ELAPOR1: variants seen among roughly 807,000 people sequenced by gnomAD.
ELAPOR1 encodes the protein endosome/lysosome-associated apoptosis and autophagy regulator 1.
A neutral mutation model predicts 119.7 loss-of-function variants in ELAPOR1; 77 were observed. That is an observed-to-expected ratio of 0.64 (90% CI 0.54 to 0.78). The LOEUF (loss-of-function observed/expected upper bound fraction) is 0.78. Ranked by LOEUF, ELAPOR1 falls within the 30% of genes least tolerant of loss-of-function variation. The pLI, the probability that ELAPOR1 is intolerant of heterozygous loss-of-function variation, is 0.00. For missense variants in ELAPOR1, 1,115 were observed against 1,270.4 expected (o/e 0.88, Z 1.86); for synonymous variants, 481 against 487.2 (o/e 0.99, Z 0.17).
intron 18 of ELAPOR1, 150 bp from the exon 19 acceptor site, chr1:109,199,704 G>C: frequency 1.1e-6 from 1 of 885,562 alleles, no homozygotes; most frequent in Non-Finnish European, 1.7e-6. Context: ...CAAAACCTGT[G>C]TTAAGGACTA....
At chr1:109,155,855 A>AT (rs1448122407) in intron 1 of ELAPOR1, among the ~76,000 whole-genome samples, 1 of 152,142 alleles carries the variant, frequency 6.6e-6, no homozygotes, top group Non-Finnish European at 1.5e-5. Flanking sequence ...TGATTAAAAT[A>AT]TTTTTGGACG....
At chr1:109,162,058 G>C (rs759107645) in intron 2 of ELAPOR1, 44 bp downstream of exon 2, 2 of 1,578,452 alleles carry the variant, frequency 1.3e-6, no homozygotes, top group South Asian at 2.2e-5. Flanking sequence ...ACTCAGCTTT[G>C]GTCTCTCCCC....
At chr1:109,164,406 C>A in intron 2 of ELAPOR1, 93 bp from the exon 3 acceptor site, 1 of 1,081,426 alleles carries the variant, frequency 9.2e-7, no homozygotes, top group Non-Finnish European at 1.4e-6. Flanking sequence ...TAGACCCCAA[C>A]CCAGCGCTCC....
At chr1:109,169,136 C>A (rs1028204157) in intron 3 of ELAPOR1, among the ~76,000 whole-genome samples, 4 of 151,300 alleles carry the variant, frequency 2.6e-5, no homozygotes, top group African/African-American at 9.7e-5. Flanking sequence ...TATATGTTTT[C>A]GTTTTGAGAA....
chr1:109,168,381 T>C (rs1398988313), intron 3 of ELAPOR1, among the ~76,000 whole-genome samples: 1 of 152,212 alleles, frequency 6.6e-6, no homozygotes, highest in Non-Finnish European at 1.5e-5. Context: ...GGATCATACT[T>C]GTCTTGTTCA....
rs1177751398 is a variant in ELAPOR1 at position 109,188,308 on chromosome 1, C to A, written c.1173C>A (p.Asn391Lys). 6 of 1,614,186 alleles carry A rather than the reference C, an allele frequency of 3.7e-6. No homozygotes were observed. Among genetic ancestry groups the A allele is most frequent in the Non-Finnish European group, 5.1e-6 (6 of 1,180,002 alleles). The change falls in exon 9 of 22, where the codon AAC becomes AAA. Residue 391 changes from asparagine (N) to lysine (K), a missense_variant. By Grantham distance (94) the Asn-to-Lys change is moderately conservative. Transcript: ENST00000369939. ...PCNPGFFKTN[N>K]STCQPCPYGS... ...ACCCAGGCTTCTTCAAAACCAACAACAGCACCTGCCAGCCCTGCCCATATG... is the reference window on the plus strand; with the variant it reads ...ACCCAGGCTTCTTCAAAACCAACAAAAGCACCTGCCAGCCCTGCCCATATG...
chr1:109,139,767 T>C, intron 1 of ELAPOR1, among the ~76,000 whole-genome samples: 1 of 152,194 alleles, frequency 6.6e-6, no homozygotes. Flanking sequence ...TGTATATTTA[T>C]AGCATTTTTT....
At chr1:109,165,471 G>C (rs1414123763) in intron 3 of ELAPOR1, among the ~76,000 whole-genome samples, 1 of 151,896 alleles carries the variant, frequency 6.6e-6, no homozygotes, top group Non-Finnish European at 1.5e-5. Flanking sequence ...TGTGATCTCA[G>C]CGACTCGGGA....
intron 1 of ELAPOR1, 136 bp downstream of exon 1, chr1:109,114,472 G>A: frequency 1.9e-6 from 2 of 1,040,460 alleles, no homozygotes; most frequent in Non-Finnish European, 2.7e-6. Context: ...CGTGGGGGGA[G>A]GGAAGAGGAG....
intron 1 of ELAPOR1, among the ~76,000 whole-genome samples, chr1:109,134,453 C>T (rs1649335700): frequency 6.6e-6 from 1 of 152,130 alleles, no homozygotes; most frequent in South Asian, 2.1e-4. Context: ...CTCTCTTCCG[C>T]CACCAAGACC....
At position 109,138,834 on chromosome 1, in the gene ELAPOR1, C is replaced by CAAAAAAAAAAAAAAAAAAAAAAAA. The variant is rs150398954; in HGVS notation, c.154-23043_154-23042insAAAAAAAAAAAAAAAAAAAAAAAA. ...GGGCAACAAGAGTGAAACTCCATCT[C>CAAAAAAAAAAAAAAAAAAAAAAAA]AAAAAAAAAAAAAAAAAGAATCTTC... On this transcript the variant is annotated intron_variant, in intron 1 of 21. Coordinates refer to ENST00000369939, the MANE Select transcript of ELAPOR1 (RefSeq NM_020775.5). 4.8e-4 allele frequency among the ~76,000 whole-genome samples: 51 copies of CAAAAAAAAAAAAAAAAAAAAAAAA among 107,252 alleles called. 1 individual carries two copies. The highest frequency in any genetic ancestry group is 6.9e-4 in the Non-Finnish European group (38 of 55,002). 70.4% of individuals were successfully genotyped at this position (107,252 alleles called of 152,430 possible). A position where few individuals can be genotyped will look rare whatever the true frequency, so the allele number is the denominator to read the frequency against.
At chr1:109,115,889 T>A (rs1408481985) in intron 1 of ELAPOR1, among the ~76,000 whole-genome samples, 1 of 152,196 alleles carries the variant, frequency 6.6e-6, no homozygotes. Flanking sequence ...AACAGTATGA[T>A]CTTATCAGTG....
intron 1 of ELAPOR1, among the ~76,000 whole-genome samples, chr1:109,125,391 T>C (rs1648707706): frequency 1.8e-5 from 1 of 54,340 alleles, no homozygotes; most frequent in African/African-American, 1.7e-4. Flanking sequence ...GTTTTTTTTG[T>C]TTTGTTTTGT....
At chr1:109,140,384 G>A (rs1649754622) in intron 1 of ELAPOR1, among the ~76,000 whole-genome samples, 1 of 152,196 alleles carries the variant, frequency 6.6e-6, no homozygotes, top group Non-Finnish European at 1.5e-5. Flanking sequence ...GACTGAAGAG[G>A]TAAGCAGAGG....
intron 3 of ELAPOR1, among the ~76,000 whole-genome samples, chr1:109,167,838 G>A (rs755851383): frequency 6.6e-5 from 10 of 151,970 alleles, no homozygotes; most frequent in Non-Finnish European, 1.5e-4. Flanking sequence ...CAAACTCCTG[G>A]GCTCAAATGA....
At chr1:109,130,642 G>A (rs779146224) in intron 1 of ELAPOR1, among the ~76,000 whole-genome samples, 79 of 151,946 alleles carry the variant, frequency 5.2e-4, no homozygotes, top group Admixed American at 1.8e-3. Context: ...CACTGCACCC[G>A]GCCAGCATAT....
At chr1:109,178,545 A>T (rs1029060944) in intron 7 of ELAPOR1, among the ~76,000 whole-genome samples, 1 of 152,234 alleles carries the variant, frequency 6.6e-6, no homozygotes, top group East Asian at 1.9e-4. Flanking sequence ...GCCAAGGACT[A>T]GCTTGGTGCT....
Position 109,163,390 on chromosome 1 carries a change from G to A in ELAPOR1, c.275-1109G>A, listed in dbSNP as rs146060753. Among the ~76,000 whole-genome samples, 352 of 152,224 alleles carry A rather than the reference G, an allele frequency of 2.3e-3. 2 individuals carry two copies. Among genetic ancestry groups the A allele is most frequent in the African/African-American group, 8.1e-3 (335 of 41,528 alleles). On this transcript the variant is annotated intron_variant, in intron 2 of 21. Transcript: ENST00000369939. ...AAATAAGGAGAATAATAGTACATAC[G>A]TGTTTTACTTTTTATTTTTTTAAAG... is the stretch of plus-strand genomic sequence containing the variant.
At position 109,191,418 on chromosome 1, in the gene ELAPOR1, A is replaced by T. The variant is rs951136296; in HGVS notation, c.1492A>T (p.Thr498Ser). ...DTENKEVARITFVFETLCSVN... is the reference protein window; with the variant it reads ...DTENKEVARISFVFETLCSVN... Reference sequence around the variant, plus strand: ...AGAGAATAAAGAGGTGGCCAGAATCACATTTGTCTTTGAGACCCTCTGTTC... The same window carrying T: ...AGAGAATAAAGAGGTGGCCAGAATCTCATTTGTCTTTGAGACCCTCTGTTC... Residue 498 changes from threonine to serine, a missense_variant, in exon 12 of 22, where the codon ACA becomes TCA. Thr to Ser is a moderately conservative substitution (Grantham distance 58). Coordinates refer to ENST00000369939, the MANE Select transcript of ELAPOR1 (RefSeq NM_020775.5). The T allele has an allele frequency of 3.1e-6, 5 of 1,614,064 alleles. No homozygotes were observed. The Admixed American group carries it at 8.3e-5, about 27-fold the overall frequency.
Sources: gnomAD v4.1 joint callset for allele counts (sites outside exome capture counted in the v4.1 genomes callset) on GRCh38, gnomAD v4.1.1 for gene constraint, MANE v1.5 for transcripts, NCBI Gene and HGNC (gene_info 2026-07-23, HGNC 2026-07-21) for gene names.